PDLIM7: variants seen among roughly 807,000 people sequenced by gnomAD.
PDLIM7 encodes the protein PDZ and LIM domain 7.
PDLIM7 carries 37 observed loss-of-function variants against 53.9 expected under a neutral mutation model. The observed-to-expected ratio is 0.69, with a 90% CI of 0.53 to 0.90. The LOEUF (loss-of-function observed/expected upper bound fraction) is 0.90, where lower values mean the gene tolerates loss of function less well. Ranked by LOEUF, PDLIM7 falls within the 40% of genes least tolerant of loss-of-function variation. The pLI, the probability that PDLIM7 is intolerant of heterozygous loss-of-function variation, is 0.00. For missense variants in PDLIM7, 617 were observed against 638.5 expected (o/e 0.97, Z 0.36); for synonymous variants, 300 against 261.3 (o/e 1.15, Z -1.43).
intron 10 of PDLIM7, among the ~76,000 whole-genome samples, chr5:177,487,384 A>T (rs988171814): frequency 6.6e-6 from 1 of 152,276 alleles, no homozygotes; most frequent in Non-Finnish European, 1.5e-5. Context: ...TTCAGGTGGC[A>T]GCATCCTCTA....
intron 10 of PDLIM7, among the ~76,000 whole-genome samples, chr5:177,487,457 G>A (rs1758521352): frequency 6.6e-6 from 1 of 152,252 alleles, no homozygotes; most frequent in South Asian, 2.1e-4. Context: ...TGGCTGGAAG[G>A]TGAGCATTTT....
intron 5 of PDLIM7, chr5:177,491,523 C>A: frequency 1.1e-6 from 1 of 933,636 alleles, no homozygotes; most frequent in Non-Finnish European, 1.7e-6. Flanking sequence ...GACAAGGCGG[C>A]ACTGAGTGTC....
In PDLIM7 at chr5:177,488,098, G is replaced by A; in HGVS notation, c.1020C>T (p.Ser340=). ...PPCYDVRYAP[S]CAKCKKKITG... ...TAATCTTCTTCTTGCACTTGGCACA[G>A]CTGGGTGCATAGCGCACGTCATAGC... Residue 340 remains serine (S), a synonymous_variant, in exon 10 of 13, where the codon AGC becomes AGT. Coordinates refer to ENST00000355841, the MANE Select transcript of PDLIM7 (RefSeq NM_005451.5). 6.2e-7 allele frequency: 1 copy of A among 1,608,960 alleles called. No individual in the cohort carries two copies. Among genetic ancestry groups the A allele is most frequent in the Non-Finnish European group, 8.5e-7 (1 of 1,177,816 alleles).
chr5:177,496,054 T>C (rs1243251697), intron 2 of PDLIM7, among the ~76,000 whole-genome samples: 1 of 152,058 alleles, frequency 6.6e-6, no homozygotes, highest in Admixed American at 6.6e-5. Context: ...TGAAATCCTA[T>C]AGTCACAGTG....
intron 10 of PDLIM7, among the ~76,000 whole-genome samples, chr5:177,487,169 G>C (rs2127410944): frequency 6.6e-6 from 1 of 152,034 alleles, no homozygotes; most frequent in Non-Finnish European, 1.5e-5. Flanking sequence ...CTGACCTCAG[G>C]TGATCTGCCC....
chr5:177,490,629 G>T, intron 7 of PDLIM7: 1 of 1,455,650 alleles, frequency 6.9e-7, no homozygotes. Context: ...AGAAGTGGAA[G>T]GAAGGAGAGA....
chr5:177,496,663 A>G (rs1759089328), intron 1 of PDLIM7, 140 bp from the exon 2 acceptor site: 2 of 498,498 alleles, frequency 4.0e-6, no homozygotes, highest in East Asian at 7.1e-5. Flanking sequence ...CATAGGAGGC[A>G]GGTATTTTGT....
intron 6 of PDLIM7, 38 bp downstream of exon 6, chr5:177,490,972 G>A (rs1285920877): frequency 3.1e-6 from 5 of 1,613,854 alleles, no homozygotes; most frequent in Admixed American, 3.3e-5. Context: ...CTGGGCTGGG[G>A]GCGAGGAAAG....
At chr5:177,486,636 CTCTT>C (rs908241721) in intron 10 of PDLIM7, among the ~76,000 whole-genome samples, 14 of 152,068 alleles carry the variant, frequency 9.2e-5, no homozygotes, top group Admixed American at 3.3e-4. Flanking sequence ...AGGCAGATTT[CTCTT>C]TCTTTTTTTC....
Position 177,492,401 on chromosome 5 carries a change from G to A in PDLIM7, c.279+4C>T, listed in dbSNP as rs371860788. The A allele has an allele frequency of 1.8e-5, 29 of 1,613,340 alleles. No homozygotes were observed. Among genetic ancestry groups the A allele is most frequent in the African/African-American group, 1.7e-4 (13 of 75,036 alleles). On this transcript the variant is annotated splice_donor_region_variant and intron_variant, in intron 4 of 12. Coordinates refer to ENST00000355841, the MANE Select transcript of PDLIM7 (RefSeq NM_005451.5). Reference sequence around the variant, plus strand: ...CCGCCCGGATGTCCCGGCCAGCCTCGTACCTTCTGCGGTTTGCTCTGAACC... The same window carrying A: ...CCGCCCGGATGTCCCGGCCAGCCTCATACCTTCTGCGGTTTGCTCTGAACC...
rs1561704832 is a variant in PDLIM7, at chr5:177,492,421, T to C, written c.263A>G (p.Gln88Arg). The C allele has an allele frequency of 1.7e-5, 28 of 1,613,646 alleles. No individual in the cohort carries two copies. Among genetic ancestry groups the C allele is most frequent in the Non-Finnish European group, 2.4e-5 (28 of 1,179,766 alleles). ...GCCTCGTACCTTCTGCGGTTTGCTC[T>C]GAACCGGCTGGGCCCTGGAGGAGAA... ...SLGLSRAQPV[Q>R]SKPQKASAPA... The change falls in exon 4 of 13, where the codon CAG (glutamine) becomes CGG (arginine). Residue 88 changes from glutamine to arginine, a missense_variant. By Grantham distance (43) the Gln-to-Arg change is conservative. Transcript: ENST00000355841.
intron 10 of PDLIM7, among the ~76,000 whole-genome samples, chr5:177,486,990 A>G (rs1272170208): frequency 8.5e-6 from 1 of 117,156 alleles, no homozygotes; most frequent in Non-Finnish European, 1.6e-5. Flanking sequence ...GCTGGAAGGC[A>G]GTGGCACAAT....
At chr5:177,488,293 T>C in intron 9 of PDLIM7, 45 bp from the exon 10 acceptor site, 1 of 1,517,310 alleles carries the variant, frequency 6.6e-7, no homozygotes, top group South Asian at 1.2e-5. Context: ...CGCAGAGAGG[T>C]GGGGGTCTTG....
chr5:177,485,459 A>G (rs1346191961), intron 10 of PDLIM7, among the ~76,000 whole-genome samples: 1 of 152,230 alleles, frequency 6.6e-6, no homozygotes, highest in African/African-American at 2.4e-5. Flanking sequence ...GGGTCTGGCC[A>G]GACCTTGACC....
intron 9 of PDLIM7, among the ~76,000 whole-genome samples, 154 bp from the exon 10 acceptor site, chr5:177,488,402 G>A (rs1006496222): frequency 1.3e-5 from 2 of 152,188 alleles, no homozygotes; most frequent in Non-Finnish European, 2.9e-5. Flanking sequence ...CTTGGGAAGT[G>A]ACCGTGGCAG....
chr5:177,487,978 C>G, intron 10 of PDLIM7, 90 bp downstream of exon 10: 2 of 1,335,716 alleles, frequency 1.5e-6, no homozygotes, highest in Non-Finnish European at 2.0e-6. Flanking sequence ...AGGGCTCACT[C>G]GGGGAGAGAC....
At chr5:177,488,343 G>A in intron 9 of PDLIM7, 95 bp from the exon 10 acceptor site, 1 of 991,900 alleles carries the variant, frequency 1.0e-6, no homozygotes, top group Non-Finnish European at 1.5e-6. Context: ...AGGAGGCCTT[G>A]GGAGGGACAG....
In PDLIM7 at chr5:177,491,410, G is replaced by A. The variant is rs768414629; in HGVS notation, c.399-264C>T. ...CAGAGGGGGGCTCACTGACTTGTCA[G>A]GGGTCTGCACCTGTGAAGGAAATAA... On this transcript the variant is annotated intron_variant, in intron 5 of 12. Coordinates refer to ENST00000355841, the MANE Select transcript of PDLIM7 (RefSeq NM_005451.5). 9 of 1,551,644 alleles carry A rather than the reference G, an allele frequency of 5.8e-6. No homozygotes were observed. The South Asian group carries it at 5.9e-5, about 10-fold the overall frequency.
chr5:177,490,647 G>A, intron 7 of PDLIM7: 1 of 1,243,540 alleles, frequency 8.0e-7, no homozygotes. Context: ...AGATGGAAGG[G>A]AGGCAGGGAG....
Sources: gnomAD v4.1 joint callset for allele counts (sites outside exome capture counted in the v4.1 genomes callset) on GRCh38, gnomAD v4.1.1 for gene constraint, MANE v1.5 for transcripts, NCBI Gene and HGNC (gene_info 2026-07-23, HGNC 2026-07-21) for gene names.